The following CTNNA2 variants were observed in gnomAD, a reference collection of about 807,000 sequenced individuals.
CTNNA2 encodes the protein catenin alpha 2.
Under a neutral mutation model 101.0 loss-of-function variants are expected in CTNNA2, and 42 were observed. That is an observed-to-expected ratio of 0.42 (90% CI 0.32 to 0.54). The LOEUF is 0.54. CTNNA2 is among the 20% of genes least tolerant of loss of function. The pLI, the probability that CTNNA2 is intolerant of heterozygous loss-of-function variation, is 0.14. For missense variants in CTNNA2, 871 were observed against 1,223.1 expected (o/e 0.71, Z 4.29); for synonymous variants, 450 against 456.4 (o/e 0.99, Z 0.18).
chr2:79,210,411 T>C (rs1037559836), intron 2 of CTNNA2, among the ~76,000 whole-genome samples: 2 of 152,116 alleles, frequency 1.3e-5, no homozygotes, highest in African/African-American at 4.8e-5. Context: ...TTTTTTTTCT[T>C]TCTACCTGGA....
intron 4 of CTNNA2, among the ~76,000 whole-genome samples, chr2:79,467,828 G>A (rs537458544): frequency 6.6e-6 from 1 of 152,288 alleles, no homozygotes; most frequent in East Asian, 1.9e-4. Flanking sequence ...AGCAAATGCT[G>A]AGAGATTTTT....
chr2:80,643,943 A>G (rs1673763725), intron 18 of CTNNA2, among the ~76,000 whole-genome samples: 1 of 152,184 alleles, frequency 6.6e-6, no homozygotes, highest in Non-Finnish European at 1.5e-5. Context: ...GAGATGAAGC[A>G]CTTATCAGAC....
chr2:79,269,036 G>A (rs543416133), intron 2 of CTNNA2, among the ~76,000 whole-genome samples: 160 of 152,130 alleles, frequency 1.1e-3, no homozygotes, highest in African/African-American at 3.8e-3. Flanking sequence ...CCTCAGAGGG[G>A]CCAGATCGTT....
At chr2:79,444,333 C>T (rs923600787) in intron 4 of CTNNA2, among the ~76,000 whole-genome samples, 1 of 151,948 alleles carries the variant, frequency 6.6e-6, no homozygotes, top group Non-Finnish European at 1.5e-5. Flanking sequence ...TACAAATATT[C>T]TATAGGAAAA....
intron 2 of CTNNA2, among the ~76,000 whole-genome samples, chr2:79,731,994 A>C (rs116320828): frequency 1.3e-3 from 199 of 152,150 alleles, no homozygotes; most frequent in African/African-American, 4.5e-3. Flanking sequence ...ATTAAAAAAA[A>C]TTTATAAATA....
intron 4 of CTNNA2, among the ~76,000 whole-genome samples, chr2:79,388,958 A>T (rs564636865): frequency 3.6e-4 from 55 of 152,218 alleles, no homozygotes; most frequent in Non-Finnish European, 7.5e-4. Context: ...GCCAAGGTGA[A>T]CACTACCACA....
chr2:80,126,062 C>T (rs1165605437), intron 7 of CTNNA2, among the ~76,000 whole-genome samples: 2 of 152,084 alleles, frequency 1.3e-5, no homozygotes, highest in African/African-American at 4.8e-5. Context: ...TAAACATTTC[C>T]CCATACTCCT....
At chr2:79,903,819 A>C (rs550780356) in intron 6 of CTNNA2, among the ~76,000 whole-genome samples, 2 of 152,300 alleles carry the variant, frequency 1.3e-5, no homozygotes, top group East Asian at 3.9e-4. Flanking sequence ...CCTGTTGGGC[A>C]GGAGCATGCG....
At chr2:79,435,252 G>C (rs1436329881) in intron 4 of CTNNA2, among the ~76,000 whole-genome samples, 1 of 152,102 alleles carries the variant, frequency 6.6e-6, no homozygotes, top group Non-Finnish European at 1.5e-5. Context: ...CATTCCTTTT[G>C]TTTTCCTCAC....
At chr2:80,447,958 C>G (rs1244715052) in intron 9 of CTNNA2, among the ~76,000 whole-genome samples, 1 of 152,190 alleles carries the variant, frequency 6.6e-6, no homozygotes, top group Non-Finnish European at 1.5e-5. Flanking sequence ...AAGAACTAGA[C>G]AGATAGCAAT....
intron 1 of CTNNA2, among the ~76,000 whole-genome samples, chr2:79,530,456 T>C (rs1672667915): frequency 6.6e-6 from 1 of 151,062 alleles, no homozygotes; most frequent in Non-Finnish European, 1.5e-5. Context: ...ATCTGAATAG[T>C]GAAGAGTGGA....
intron 2 of CTNNA2, among the ~76,000 whole-genome samples, chr2:79,275,869 C>CA (rs1005063867): frequency 1.3e-3 from 194 of 149,272 alleles, no homozygotes; most frequent in African/African-American, 4.5e-3. Flanking sequence ...GGGCAGACAT[C>CA]AAAAAAAAAG....
At chr2:79,522,664 G>A (rs1672181895) in intron 1 of CTNNA2, among the ~76,000 whole-genome samples, 1 of 152,178 alleles carries the variant, frequency 6.6e-6, no homozygotes, top group Non-Finnish European at 1.5e-5. Flanking sequence ...CTGCCAGGGA[G>A]ATGAGATCAA....
chr2:80,113,673 C>A (rs1701347747), intron 7 of CTNNA2, among the ~76,000 whole-genome samples: 1 of 152,250 alleles, frequency 6.6e-6, no homozygotes, highest in Admixed American at 6.5e-5. Flanking sequence ...AGCCAAAAAA[C>A]ATGTATTATC....
At chr2:79,380,141 A>G (rs6741335) in intron 4 of CTNNA2, among the ~76,000 whole-genome samples, 114,187 of 152,042 alleles carry the variant, frequency 0.75, 43,169 homozygotes, top group South Asian at 0.83. Flanking sequence ...AAAATGATAC[A>G]TAGTGAAAAT....
chr2:80,631,070 A>G (rs1018335901), intron 18 of CTNNA2, among the ~76,000 whole-genome samples: 6 of 152,224 alleles, frequency 3.9e-5, no homozygotes, highest in Admixed American at 1.3e-4. Context: ...AGGAATAATG[A>G]TGCAACCTTT....
intron 2 of CTNNA2, among the ~76,000 whole-genome samples, chr2:79,287,325 G>T (rs1204816027): frequency 1.3e-5 from 2 of 152,198 alleles, no homozygotes; most frequent in Non-Finnish European, 2.9e-5. Flanking sequence ...GAGGAGGAGA[G>T]TCGCTCTGCT....
intron 7 of CTNNA2, among the ~76,000 whole-genome samples, chr2:80,190,290 A>G (rs1365555514): frequency 6.6e-6 from 1 of 151,964 alleles, no homozygotes; most frequent in East Asian, 1.9e-4. Context: ...AAACCATCTT[A>G]CCTGCAGAAG....
intron 4 of CTNNA2, among the ~76,000 whole-genome samples, chr2:79,864,199 A>G (rs1681852024): frequency 6.6e-6 from 1 of 152,234 alleles, no homozygotes; most frequent in Non-Finnish European, 1.5e-5. Flanking sequence ...CTGAAGGAAA[A>G]TAGGGTTCTA....
Sources: gnomAD v4.1 joint callset for allele counts (sites outside exome capture counted in the v4.1 genomes callset) on GRCh38, gnomAD v4.1.1 for gene constraint, MANE v1.5 for transcripts, NCBI Gene and HGNC (gene_info 2026-07-23, HGNC 2026-07-21) for gene names.